Variants in NR5A2 observed in about 807,000 individuals in gnomAD.
The protein encoded by NR5A2 is nuclear receptor subfamily 5 group A member 2, also known as CYP7A promoter-binding factor.
A neutral mutation model predicts 62.7 loss-of-function variants in NR5A2; 26 were observed. That is an observed-to-expected ratio of 0.41 (90% CI 0.30 to 0.58). The LOEUF is 0.58. Ranked by LOEUF, NR5A2 falls within the 20% of genes least tolerant of loss-of-function variation. The probability of loss-of-function intolerance (pLI) is 0.22; values close to 1 mark genes in which losing one functional copy is unlikely to be tolerated. For missense variants in NR5A2, 541 were observed against 669.1 expected (o/e 0.81, Z 2.11); for synonymous variants, 246 against 241.7 (o/e 1.02, Z -0.16).
chr1:200,136,426 T>C (rs936981093), intron 7 of NR5A2, among the ~76,000 whole-genome samples: 18 of 152,364 alleles, frequency 1.2e-4, no homozygotes, highest in African/African-American at 3.8e-4. Context: ...TCGATTATAA[T>C]AGCTACATCT....
At chr1:200,065,446 T>C (rs918592298) in intron 5 of NR5A2, among the ~76,000 whole-genome samples, 1 of 152,158 alleles carries the variant, frequency 6.6e-6, no homozygotes, top group Admixed American at 6.5e-5. Flanking sequence ...CCCAGCCAAG[T>C]TTTTCTTTTT....
intron 5 of NR5A2, among the ~76,000 whole-genome samples, chr1:200,060,599 A>G (rs1344396771): frequency 6.6e-6 from 1 of 152,198 alleles, no homozygotes. Flanking sequence ...AAATAGGTGT[A>G]AGGGTTTCTG....
Position 200,111,284 on chromosome 1 carries a change from G to A in NR5A2, c.1193G>A (p.Gly398Glu), listed in dbSNP as rs759125008. ...LDHIYRQVVH[G>E]KEGSIFLVTG... is the part of the protein sequence containing the mutation. ...CACATTTACCGACAAGTGGTACATGGAAAGGAAGGATCCATCTTCCTGGTT... is the reference window on the plus strand; with the variant it reads ...CACATTTACCGACAAGTGGTACATGAAAAGGAAGGATCCATCTTCCTGGTT... Residue 398 changes from glycine (G) to glutamate (E), a missense_variant, in exon 6 of 8, where the codon GGA (glycine) becomes GAA (glutamate). Gly to Glu is a moderately conservative substitution (Grantham distance 98, BLOSUM62 -2). Around this residue, in one of 3 missense-constraint regions of NR5A2, gnomAD observed 379 missense variants for 442.0 expected, o/e 0.86. Transcript: ENST00000367362. The A allele has an allele frequency of 6.2e-7, 1 of 1,608,356 alleles. No individual in the cohort carries two copies. The highest frequency in any genetic ancestry group is 8.5e-7 in the Non-Finnish European group (1 of 1,178,582).
intron 5 of NR5A2, among the ~76,000 whole-genome samples, chr1:200,059,118 TA>T (rs1663069040): frequency 6.6e-6 from 1 of 151,780 alleles, no homozygotes; most frequent in African/African-American, 2.4e-5. Flanking sequence ...TTAAAAATAA[TA>T]ATAATAATAA....
chr1:200,100,985 T>C (rs897278949), intron 5 of NR5A2, among the ~76,000 whole-genome samples: 5 of 152,222 alleles, frequency 3.3e-5, no homozygotes, highest in African/African-American at 1.2e-4. Context: ...TTCCTGCCTT[T>C]ATTTCCCTTT....
At chr1:200,079,694 C>G (rs1664202135) in intron 5 of NR5A2, among the ~76,000 whole-genome samples, 1 of 152,204 alleles carries the variant, frequency 6.6e-6, no homozygotes, top group South Asian at 2.1e-4. Context: ...AAAAATTTTG[C>G]TGAGCTCTCC....
chr1:200,064,556 C>T (rs1663383370), intron 5 of NR5A2, among the ~76,000 whole-genome samples: 1 of 152,086 alleles, frequency 6.6e-6, no homozygotes, highest in African/African-American at 2.4e-5. Context: ...GACAGGTGAG[C>T]AGCTCATTTA....
At chr1:200,074,746 A>ACAAAAAAAAAAAAAAACAAAAAAAAAAC (rs1222130846) in intron 5 of NR5A2, among the ~76,000 whole-genome samples, 1 of 148,138 alleles carries the variant, frequency 6.8e-6, no homozygotes, top group Non-Finnish European at 1.5e-5. Flanking sequence ...CAAAAAAAAA[A>ACAAAAAAAAAAAAAAACAAAAAAAAAAC]AAAAAAAAAA....
At chr1:200,135,242 C>T (rs3790799) in intron 7 of NR5A2, among the ~76,000 whole-genome samples, 24,887 of 152,128 alleles carry the variant, frequency 0.16, 2,528 homozygotes, top group Admixed American at 0.24. Flanking sequence ...AGCATGAGGC[C>T]AGGTGCAGCG....
At chr1:200,064,175 G>A (rs1005747095) in intron 5 of NR5A2, among the ~76,000 whole-genome samples, 7 of 151,472 alleles carry the variant, frequency 4.6e-5, no homozygotes, top group African/African-American at 1.5e-4. Flanking sequence ...GACGAGAGCC[G>A]TCTTCACTTT....
intron 5 of NR5A2, among the ~76,000 whole-genome samples, chr1:200,067,195 G>T (rs113199324): frequency 0.05 from 7,640 of 152,292 alleles, 221 homozygotes; most frequent in Non-Finnish European, 0.078. Flanking sequence ...CATGGGTGGG[G>T]CTGGAGGCCA....
At chr1:200,076,905 T>C (rs1354864616) in intron 5 of NR5A2, among the ~76,000 whole-genome samples, 1 of 152,214 alleles carries the variant, frequency 6.6e-6, no homozygotes, top group Non-Finnish European at 1.5e-5. Context: ...GATTAATTTG[T>C]ATAAATTAAA....
intron 5 of NR5A2, among the ~76,000 whole-genome samples, chr1:200,060,617 C>T (rs1424777379): frequency 3.3e-5 from 5 of 152,190 alleles, no homozygotes; most frequent in Admixed American, 3.3e-4. Flanking sequence ...CTGTCCATGA[C>T]AAGGCTGTTC....
chr1:200,048,412 A>G lies in NR5A2; in HGVS notation c.704A>G (p.Tyr235Cys). 1.9e-6 allele frequency: 3 copies of G among 1,614,180 alleles called. No homozygotes were observed. The South Asian group carries it at 3.3e-5, about 18-fold the overall frequency. Residue 235 changes from tyrosine (Y) to cysteine (C), a missense_variant, in exon 5 of 8, where the codon TAT becomes TGT. Physicochemically the swap from Tyr to Cys is radical, Grantham distance 194. This residue lies in a region of NR5A2 where 379 missense variants were observed against 442.0 expected (regional missense o/e 0.86). Transcript: ENST00000367362. The surrounding 1 kb of genome is among the most constrained non-coding windows in gnomAD (Gnocchi z 4.8). Reference sequence around the variant, plus strand: ...CATGCTGCCTTGCCTCCTACAGACTATGACAGAAGTCCCTTTGTAACATCC... The same window carrying G: ...CATGCTGCCTTGCCTCCTACAGACTGTGACAGAAGTCCCTTTGTAACATCC... ...LNHAALPPTDYDRSPFVTSPI... is the reference protein window; with the variant it reads ...LNHAALPPTDCDRSPFVTSPI...
chr1:200,032,635 G>C (rs1313307421), intron 1 of NR5A2, among the ~76,000 whole-genome samples: 1 of 152,154 alleles, frequency 6.6e-6, no homozygotes, highest in Admixed American at 6.5e-5. Context: ...ATGAGTTTGA[G>C]TGAAGCTAAG....
intron 5 of NR5A2, among the ~76,000 whole-genome samples, chr1:200,054,499 C>A (rs1662819227): frequency 6.6e-6 from 1 of 151,940 alleles, no homozygotes; most frequent in African/African-American, 2.4e-5. Context: ...TAAGAGAATT[C>A]TGGGAATGGA....
At chr1:200,143,020 T>C (rs917155349) in intron 7 of NR5A2, among the ~76,000 whole-genome samples, 22 of 152,094 alleles carry the variant, frequency 1.4e-4, no homozygotes, top group African/African-American at 4.6e-4. Flanking sequence ...TTGCTGTATA[T>C]GCTGTATGTA....
At chr1:200,072,452 T>C (rs1663782448) in intron 5 of NR5A2, among the ~76,000 whole-genome samples, 1 of 152,160 alleles carries the variant, frequency 6.6e-6, no homozygotes, top group South Asian at 2.1e-4. Flanking sequence ...TGACACCCTT[T>C]TAATCAAAAC....
rs1466172989 is a variant in NR5A2 at position 200,147,693 on chromosome 1, C to T, written c.1379-26270C>T. 2.4e-5 allele frequency: 16 copies of T among 677,902 alleles called. 2 individuals are homozygous for T. Among genetic ancestry groups the T allele is most frequent in the Admixed American group, 2.0e-4 (11 of 53,946 alleles). 42.0% of individuals were successfully genotyped at this position (677,902 alleles called of 1,614,324 possible). The stretch of plus-strand genomic sequence containing the variant: ...GGAAGACATGGGTGGACTTGGGCTC[C>T]GAGGCGATCTCCTCCAGCTCCTCCC... On this transcript the variant is annotated intron_variant, in intron 7 of 7. Transcript: ENST00000367362. This position sits in a 1 kb window ranked among gnomAD's most constrained non-coding sequence, Gnocchi z 4.9.
Sources: allele counts gnomAD v4.1 joint callset (sites outside exome capture counted in the v4.1 genomes callset), GRCh38; gene constraint gnomAD v4.1.1; regional missense constraint gnomAD v4.1.1; non-coding constraint Gnocchi (gnomAD v3.1); transcripts MANE v1.5; gene names NCBI Gene and HGNC (gene_info 2026-07-23, HGNC 2026-07-21).